Variants in MTHFD1L observed in about 807,000 individuals in gnomAD.
The protein encoded by MTHFD1L is monofunctional C1-tetrahydrofolate synthase, mitochondrial.
A neutral mutation model predicts 119.5 loss-of-function variants in MTHFD1L; 81 were observed. That is an observed-to-expected ratio of 0.68 (90% CI 0.57 to 0.82). The LOEUF (loss-of-function observed/expected upper bound fraction) is 0.82, where lower values mean the gene tolerates loss of function less well. Among genes scored for constraint, MTHFD1L ranks in the 40% least tolerant of loss-of-function variants. MTHFD1L has a pLI of 0.00. For synonymous variants in MTHFD1L, 430 were observed against 475.2 expected (o/e 0.90, Z 1.24); for missense variants, 1,125 against 1,253.4 (o/e 0.90, Z 1.55).
intron 11 of MTHFD1L, among the ~76,000 whole-genome samples, chr6:150,931,037 T>C (rs751840636): frequency 3.9e-5 from 6 of 152,204 alleles, no homozygotes; most frequent in Non-Finnish European, 5.9e-5. Context: ...TTTTACATAT[T>C]TTCCCAGTTA....
rs150561827 is a variant in MTHFD1L, at chr6:151,007,367, C to T, written c.2126-2452C>T. On this transcript the variant is annotated intron_variant, in intron 20 of 27. Transcript: ENST00000367321. ...AGTGAGCTTCTACCAGTGAGAAAAA[C>T]GCCTGGATGGAGCAGGAATTCCCAC... 5.3e-3 allele frequency among the ~76,000 whole-genome samples: 796 copies of T among 151,488 alleles called. 11 individuals carry two copies. The highest frequency in any genetic ancestry group is 0.017 in the African/African-American group (677 of 40,922).
intron 8 of MTHFD1L, among the ~76,000 whole-genome samples, chr6:150,905,979 G>A (rs896700341): frequency 6.6e-6 from 1 of 152,202 alleles, no homozygotes; most frequent in Non-Finnish European, 1.5e-5. Context: ...ACAGTGAAGT[G>A]CCCCCTACTG....
At chr6:151,031,283 G>A (rs947822431) in intron 24 of MTHFD1L, among the ~76,000 whole-genome samples, 6 of 152,198 alleles carry the variant, frequency 3.9e-5, no homozygotes, top group African/African-American at 1.4e-4. Flanking sequence ...TGTATGGCAT[G>A]GCCCTCCAAG....
At chr6:151,034,621 G>A (rs1785865429) in intron 25 of MTHFD1L, 21 bp downstream of exon 25, 9 of 1,523,752 alleles carry the variant, frequency 5.9e-6, no homozygotes, top group South Asian at 1.1e-5. Flanking sequence ...TACTTTTAGG[G>A]GAAAAGAAAA....
chr6:151,046,624 C>G (rs1411351905), intron 26 of MTHFD1L, among the ~76,000 whole-genome samples: 1 of 151,602 alleles, frequency 6.6e-6, no homozygotes, highest in Non-Finnish European at 1.5e-5. Context: ...CAATTTAGAG[C>G]TTCCAAAAGG....
At chr6:150,953,341 C>CA (rs972124152) in intron 16 of MTHFD1L, among the ~76,000 whole-genome samples, 3 of 152,100 alleles carry the variant, frequency 2.0e-5, no homozygotes, top group African/African-American at 7.2e-5. Flanking sequence ...TGGTCCAGAG[C>CA]AAAAAATAAG....
At chr6:150,923,134 C>T (rs977118366) in intron 10 of MTHFD1L, among the ~76,000 whole-genome samples, 3 of 152,142 alleles carry the variant, frequency 2.0e-5, no homozygotes, top group African/African-American at 4.8e-5. Context: ...CATTATTCCA[C>T]GTGGGAACTG....
chr6:150,913,854 G>C (rs1787385432), intron 8 of MTHFD1L, among the ~76,000 whole-genome samples: 1 of 152,136 alleles, frequency 6.6e-6, no homozygotes. Flanking sequence ...ATTAAGCCCA[G>C]GTGCTGTGGC....
intron 11 of MTHFD1L, among the ~76,000 whole-genome samples, chr6:150,932,184 AAGC>A (rs1791166325): frequency 6.6e-6 from 1 of 150,784 alleles, no homozygotes; most frequent in Non-Finnish European, 1.5e-5. Flanking sequence ...AAAAAAAAAA[AAGC>A]ATCATTCCAT....
At position 150,972,354 on chromosome 6, in the gene MTHFD1L, T is replaced by C. The variant is rs1189498851; in HGVS notation, c.2125+296T>C. Reference sequence around the variant, plus strand: ...AATTACTACTGAGCTTCGGTTTTCTTGTGTGTAAAATAGTGATAACAATAC... The same window carrying C: ...AATTACTACTGAGCTTCGGTTTTCTCGTGTGTAAAATAGTGATAACAATAC... On this transcript the variant is annotated intron_variant, in intron 20 of 27. Coordinates refer to ENST00000367321, the MANE Select transcript of MTHFD1L (RefSeq NM_015440.5). 2.0e-5 allele frequency among the ~76,000 whole-genome samples: 3 copies of C among 152,202 alleles called. No individual in the cohort carries two copies. In the East Asian group the frequency reaches 5.8e-4, roughly 29 times the overall value.
chr6:150,990,670 C>T (rs1008966507), intron 20 of MTHFD1L, among the ~76,000 whole-genome samples: 1 of 151,954 alleles, frequency 6.6e-6, no homozygotes, highest in Non-Finnish European at 1.5e-5. Flanking sequence ...CCAGGTTGGC[C>T]AGCCTGGTCT....
At chr6:151,090,266 C>T (rs1383189830) in intron 26 of MTHFD1L, among the ~76,000 whole-genome samples, 2 of 152,356 alleles carry the variant, frequency 1.3e-5, no homozygotes, top group South Asian at 2.1e-4. Context: ...TCGCTCTCAC[C>T]ATTCCTTCTC....
chr6:151,081,981 C>T (rs1465648050), intron 26 of MTHFD1L, among the ~76,000 whole-genome samples: 1 of 152,194 alleles, frequency 6.6e-6, no homozygotes, highest in Non-Finnish European at 1.5e-5. Context: ...ATGATGATTT[C>T]CTTGCCAGTA....
intron 8 of MTHFD1L, among the ~76,000 whole-genome samples, chr6:150,911,527 T>C (rs1440637113): frequency 6.6e-6 from 1 of 151,992 alleles, no homozygotes; most frequent in Non-Finnish European, 1.5e-5. Context: ...ACTGTACAGG[T>C]AGTATGATGC....
chr6:151,043,258 CTTTTT>C (rs1170553631), intron 26 of MTHFD1L, among the ~76,000 whole-genome samples: 2,831 of 78,798 alleles, frequency 0.036, 74 homozygotes, highest in African/African-American at 0.13. Context: ...AGTGTTTTCT[CTTTTT>C]TTTTTTTTTT....
chr6:150,945,624 C>G, intron 15 of MTHFD1L, 83 bp downstream of exon 15: 2 of 1,397,274 alleles, frequency 1.4e-6, no homozygotes, highest in Non-Finnish European at 2.0e-6. Flanking sequence ...AAATTTTCAA[C>G]TTGGTTTGAT....
At chr6:151,091,145 C>T (rs74452002) in intron 26 of MTHFD1L, among the ~76,000 whole-genome samples, 3 of 137,526 alleles carry the variant, frequency 2.2e-5, no homozygotes, top group Admixed American at 7.5e-5. Flanking sequence ...TGCAGCATCG[C>T]CCCATGTGAC....
chr6:150,893,471 G>GA (rs150287033), intron 7 of MTHFD1L, among the ~76,000 whole-genome samples: 13,391 of 152,138 alleles, frequency 0.088, 818 homozygotes, highest in Non-Finnish European at 0.14. Context: ...AAGAGTTAAG[G>GA]AAAAAAGAGA....
chr6:150,999,542 A>G (rs1308259829), intron 20 of MTHFD1L, among the ~76,000 whole-genome samples: 1 of 152,190 alleles, frequency 6.6e-6, no homozygotes, highest in Non-Finnish European at 1.5e-5. Flanking sequence ...GAACATGGGA[A>G]CTATTTGGAT....
Sources: gnomAD v4.1 joint callset for allele counts (sites outside exome capture counted in the v4.1 genomes callset) on GRCh38, gnomAD v4.1.1 for gene constraint, MANE v1.5 for transcripts, NCBI Gene and HGNC (gene_info 2026-07-23, HGNC 2026-07-21) for gene names.